The following RBFOX3 variants were observed in gnomAD, a reference collection of about 807,000 sequenced individuals.
The protein encoded by RBFOX3 is RNA binding fox-1 homolog 3.
RBFOX3 carries 17 observed loss-of-function variants against 48.7 expected under a neutral mutation model. The ratio of observed to expected loss-of-function variants is 0.35; its 90% CI spans 0.24 to 0.52. The LOEUF (loss-of-function observed/expected upper bound fraction) is 0.52. Among genes scored for constraint, RBFOX3 ranks in the 20% least tolerant of loss-of-function variants. RBFOX3 has a pLI of 0.94. For synonymous variants in RBFOX3, 212 were observed against 209.5 expected, an observed-to-expected ratio of 1.01 and a Z score of -0.10; for missense variants, 382 against 497.5, an observed-to-expected ratio of 0.77 and a Z score of 2.21.
intron 2 of RBFOX3, among the ~76,000 whole-genome samples, chr17:79,384,201 A>G (rs1013373340): frequency 6.6e-6 from 1 of 152,152 alleles, no homozygotes; most frequent in African/African-American, 2.4e-5. Context: ...AGGGTTTCTG[A>G]GCCTCCAGGA....
chr17:79,315,691 G>A lies in RBFOX3; in HGVS notation c.-174-7867C>T, dbSNP rs75378449. 2.8e-4 allele frequency among the ~76,000 whole-genome samples: 42 copies of A among 152,366 alleles called. No homozygotes were observed. In the East Asian group the frequency reaches 6.0e-3, roughly 22 times the overall value. On this transcript the variant is annotated intron_variant, in intron 2 of 14. Transcript: ENST00000693108. ...AAGGGACCCCTCTGTGGTCGACAGC[G>A]ACAGTTTCAAACCAATTAAAATAAG...
intron 2 of RBFOX3, among the ~76,000 whole-genome samples, chr17:79,380,981 G>A (rs1332125337): frequency 2.0e-5 from 3 of 152,182 alleles, no homozygotes; most frequent in East Asian, 1.9e-4. Context: ...GTAAAAAGAG[G>A]CCAGGTGCAG....
At chr17:79,180,192 A>C (rs1328075436) in intron 4 of RBFOX3, among the ~76,000 whole-genome samples, 4 of 152,120 alleles carry the variant, frequency 2.6e-5, no homozygotes, top group Non-Finnish European at 4.4e-5. Context: ...TAATCACAGA[A>C]CTGTTGTGTC....
At chr17:79,647,508 C>T in the RBFOX3 span, among the ~76,000 whole-genome samples, 4 of 152,166 alleles carry the variant, frequency 2.6e-5, no homozygotes, top group Admixed American at 1.3e-4. Flanking sequence ...AGAGTAATTA[C>T]GTCTAAACAT....
At position 79,272,777 on chromosome 17, in the gene RBFOX3, G is replaced by A. The variant is rs531612623; in HGVS notation, c.-74+34947C>T. ...AGTCAGTCCTGGGGTGCTGTGGAGG[G>A]AGGGCTCTGGATGCAGGAAGCTGGG... On this transcript the variant is annotated intron_variant, in intron 3 of 14. Coordinates refer to ENST00000693108, the MANE Select transcript of RBFOX3 (RefSeq NM_001350451.2). 3.3e-5 allele frequency among the ~76,000 whole-genome samples: 5 copies of A among 152,308 alleles called. No homozygotes were observed. In the South Asian group the frequency reaches 1.0e-3, roughly 32 times the overall value.
At chr17:79,117,874 C>G (rs916471315) in intron 4 of RBFOX3, among the ~76,000 whole-genome samples, 4 of 152,226 alleles carry the variant, frequency 2.6e-5, no homozygotes, top group African/African-American at 9.6e-5. Flanking sequence ...GACCCGATGT[C>G]AAACCATTGT....
intron 2 of RBFOX3, among the ~76,000 whole-genome samples, chr17:79,442,214 G>T (rs1261892263): frequency 1.2e-5 from 1 of 81,806 alleles, no homozygotes; most frequent in Non-Finnish European, 2.5e-5. Context: ...GGAGGGAGGG[G>T]GAGAGAGAGA....
intron 4 of RBFOX3, among the ~76,000 whole-genome samples, chr17:79,225,291 C>CTTTTTTT (rs58461275): frequency 0.076 from 9,625 of 127,316 alleles, 569 homozygotes; most frequent in African/African-American, 0.15. Context: ...TCCCTCCATT[C>CTTTTTTT]TTTTTTTTTT....
rs1231446218 is a variant in RBFOX3 at position 79,406,949 on chromosome 17, GT to G, written c.-175+75504del. ...CATGCCAGGCTGCTGGGGAGCTATGGTGGAGAGAGAGGTGAGCTGCAGATCC... is the reference window on the plus strand; with the variant it reads ...CATGCCAGGCTGCTGGGGAGCTATGGGGAGAGAGAGGTGAGCTGCAGATCC... On this transcript the variant is annotated intron_variant, in intron 2 of 14. Coordinates refer to ENST00000693108, the MANE Select transcript of RBFOX3 (RefSeq NM_001350451.2). 2.6e-5 allele frequency among the ~76,000 whole-genome samples: 4 copies of G among 152,356 alleles called. No individual in the cohort carries two copies. The East Asian group carries it at 5.8e-4, about 22-fold the overall frequency.
At position 79,243,399 on chromosome 17, in the gene RBFOX3, C is replaced by T. The variant is rs1293094300; in HGVS notation, c.-73-7594G>A. Among the ~76,000 whole-genome samples the T allele has an allele frequency of 1.3e-5, 2 of 152,196 alleles. No homozygotes were observed. Among genetic ancestry groups the T allele is most frequent in the Non-Finnish European group, 2.9e-5 (2 of 68,046 alleles). On this transcript the variant is annotated intron_variant, in intron 3 of 14. Transcript: ENST00000693108. This position sits in a 1 kb window ranked among gnomAD's most constrained non-coding sequence, Gnocchi z 7.9. ...TCCCACCCCAGCACTTGTGCAGCCT[C>T]AACGCCCAACATCAGCCCAAACCTT...
At chr17:79,278,268 C>G (rs998973428) in intron 3 of RBFOX3, among the ~76,000 whole-genome samples, 2 of 152,182 alleles carry the variant, frequency 1.3e-5, no homozygotes, top group African/African-American at 4.8e-5. Context: ...CCTGCAGTAA[C>G]AGCATCATAG....
rs551817826 is a variant in RBFOX3 at position 79,328,447 on chromosome 17, C to T, written c.-174-20623G>A. Reference sequence around the variant, plus strand: ...GCCACTGGCATATGTGGATTTTGAACACTTGAAGGTTTTTGGGAGTCAGCA... The same window carrying T: ...GCCACTGGCATATGTGGATTTTGAATACTTGAAGGTTTTTGGGAGTCAGCA... On this transcript the variant is annotated intron_variant, in intron 2 of 14. Transcript: ENST00000693108. 5.9e-5 allele frequency among the ~76,000 whole-genome samples: 9 copies of T among 152,292 alleles called. No individual in the cohort carries two copies. In the South Asian group the frequency reaches 1.9e-3, roughly 32 times the overall value.
At position 79,443,804 on chromosome 17, in the gene RBFOX3, T is replaced by A. The variant is rs1338536854; in HGVS notation, c.-175+38650A>T. ...CTGCCTCCCTCGGCCCCCGACCCTTTATTTGCTGAGCCCCAGAGTGACCCT... is the reference window on the plus strand; with the variant it reads ...CTGCCTCCCTCGGCCCCCGACCCTTAATTTGCTGAGCCCCAGAGTGACCCT... On this transcript the variant is annotated intron_variant, in intron 2 of 14. Coordinates refer to ENST00000693108, the MANE Select transcript of RBFOX3 (RefSeq NM_001350451.2). The surrounding 1 kb of genome is among the most constrained non-coding windows in gnomAD (Gnocchi z 4.4). Among the ~76,000 whole-genome samples, 3 of 152,128 alleles carry A rather than the reference T, an allele frequency of 2.0e-5. No individual in the cohort carries two copies. Among genetic ancestry groups the A allele is most frequent in the African/African-American group, 7.2e-5 (3 of 41,428 alleles).
At chr17:79,353,746 T>C (rs1421945751) in intron 2 of RBFOX3, among the ~76,000 whole-genome samples, 1 of 152,178 alleles carries the variant, frequency 6.6e-6, no homozygotes, top group Non-Finnish European at 1.5e-5. Flanking sequence ...CCACCGAGGC[T>C]TAGCCAGGTG....
chr17:79,202,494 C>T (rs1030104076), intron 4 of RBFOX3, among the ~76,000 whole-genome samples: 4 of 152,188 alleles, frequency 2.6e-5, no homozygotes, highest in African/African-American at 7.2e-5. Flanking sequence ...ATACAGCTTA[C>T]GAAAATTTCA....
At position 79,198,875 on chromosome 17, in the gene RBFOX3, C is replaced by T. The variant is rs564881923; in HGVS notation, c.-34+36891G>A. The stretch of plus-strand genomic sequence containing the variant: ...AACTCCTGACCTCAGGTGATCCACT[C>T]GCCTCGGCCTCCCAAAGTGCTGGGA... On this transcript the variant is annotated intron_variant, in intron 4 of 14. Coordinates refer to ENST00000693108, the MANE Select transcript of RBFOX3 (RefSeq NM_001350451.2). The surrounding 1 kb of genome is among the most constrained non-coding windows in gnomAD (Gnocchi z 8.2). Among the ~76,000 whole-genome samples, 34 of 152,270 alleles carry T rather than the reference C, an allele frequency of 2.2e-4. No individual in the cohort carries two copies. The highest frequency in any genetic ancestry group is 3.8e-4 in the Non-Finnish European group (26 of 68,034).
In RBFOX3 at chr17:79,194,405, A is replaced by AAGACC. The variant is rs1186732171; in HGVS notation, c.-34+41356_-34+41360dup. 2.6e-5 allele frequency among the ~76,000 whole-genome samples: 4 copies of AAGACC among 152,034 alleles called. No individual in the cohort carries two copies. In the East Asian group the frequency reaches 7.7e-4, roughly 29 times the overall value. ...GTGGATCACTTGAGGTCAGGAGTTC[A>AAGACC]AGACCAGCCTGGCCAACATGGTGAA... On this transcript the variant is annotated intron_variant, in intron 4 of 14. Coordinates refer to ENST00000693108, the MANE Select transcript of RBFOX3 (RefSeq NM_001350451.2).
At chr17:79,412,719 G>A (rs1045341360) in intron 2 of RBFOX3, among the ~76,000 whole-genome samples, 2 of 151,686 alleles carry the variant, frequency 1.3e-5, no homozygotes, top group African/African-American at 2.4e-5. Context: ...ATGTGTGAGG[G>A]CATGGTGCAT....
At chr17:79,182,457 T>A (rs1407911892) in intron 4 of RBFOX3, among the ~76,000 whole-genome samples, 2 of 151,328 alleles carry the variant, frequency 1.3e-5, no homozygotes, top group African/African-American at 4.9e-5. Flanking sequence ...GACGAGGGAG[T>A]CCCCCTCTGT....
Sources: gnomAD v4.1 joint callset for allele counts (sites outside exome capture counted in the v4.1 genomes callset) on GRCh38, gnomAD v4.1.1 for gene constraint, Gnocchi (gnomAD v3.1) non-coding constraint, MANE v1.5 for transcripts, NCBI Gene and HGNC (gene_info 2026-07-23, HGNC 2026-07-21) for gene names.